TRNAU1AP: variants seen among roughly 807,000 people sequenced by gnomAD.
The protein encoded by TRNAU1AP is tRNA selenocysteine 1 associated protein 1, also known as tRNA selenocysteine 1-associated protein 1.
Under a neutral mutation model 43.3 loss-of-function variants are expected in TRNAU1AP, and 33 were observed. The observed-to-expected ratio is 0.76, with a 90% CI of 0.58 to 1.02. The LOEUF is 1.02. Ranked by LOEUF, TRNAU1AP falls within the 50% of genes least tolerant of loss-of-function variation. TRNAU1AP has a pLI of 0.00. For missense variants in TRNAU1AP, 290 were observed against 362.7 expected (o/e 0.80, Z 1.63); for synonymous variants, 143 against 129.1 (o/e 1.11, Z -0.73).
In TRNAU1AP at chr1:28,577,640, G is replaced by A. The variant is rs1233812292; in HGVS notation, c.*4G>A. ...AGAGATCCCTGCCATGATGTAGCCA[G>A]GCCAAAGGACAAGCCAGGTTGCATG... On this transcript the variant is annotated 3_prime_UTR_variant, in exon 9 of 9. Transcript: ENST00000373830. 3.1e-6 allele frequency: 5 copies of A among 1,612,856 alleles called. No individual in the cohort carries two copies. The highest frequency in any genetic ancestry group is 1.3e-5 in the African/African-American group (1 of 74,894).
chr1:28,575,464 TG>T (rs1322635611), intron 8 of TRNAU1AP, among the ~76,000 whole-genome samples: 6 of 150,366 alleles, frequency 4.0e-5, no homozygotes, highest in Non-Finnish European at 4.4e-5. Flanking sequence ...TGTTTTTTTT[TG>T]TTTTTTTTTT....
At chr1:28,563,145 C>T (rs893607555) in intron 4 of TRNAU1AP, among the ~76,000 whole-genome samples, 9 of 151,950 alleles carry the variant, frequency 5.9e-5, no homozygotes, top group South Asian at 2.1e-4. Context: ...CCACCTGCTT[C>T]GGTCTCCCAA....
intron 2 of TRNAU1AP, chr1:28,553,995 T>C: frequency 6.3e-6 from 2 of 317,650 alleles, no homozygotes; most frequent in African/African-American, 2.1e-5. Flanking sequence ...GTCAGGAGTT[T>C]GAGACCAGCC....
chr1:28,573,543 C>T (rs1407806833), intron 8 of TRNAU1AP, among the ~76,000 whole-genome samples: 8 of 151,760 alleles, frequency 5.3e-5, no homozygotes, highest in Admixed American at 6.6e-5. Context: ...GAAGCCACGG[C>T]GGGAGGATCA....
chr1:28,562,818 T>C (rs770513300), intron 4 of TRNAU1AP, among the ~76,000 whole-genome samples: 32 of 151,830 alleles, frequency 2.1e-4, no homozygotes, highest in Admixed American at 4.6e-4. Context: ...CCTGACCTCG[T>C]GATCTGCCCA....
chr1:28,553,543 C>T (rs1475380592), intron 1 of TRNAU1AP, 97 bp from the exon 2 acceptor site: 5 of 1,163,046 alleles, frequency 4.3e-6, no homozygotes, highest in East Asian at 2.5e-5. Flanking sequence ...CCCCCAGCGG[C>T]GCGTAGCCAG....
Position 28,564,772 on chromosome 1 carries a change from C to T in TRNAU1AP, c.348C>T (p.Phe116=), listed in dbSNP as rs199772818. 1.7e-5 allele frequency: 27 copies of T among 1,614,148 alleles called. No individual in the cohort carries two copies. Among genetic ancestry groups the T allele is most frequent in the Non-Finnish European group, 1.7e-5 (20 of 1,180,020 alleles). ...DVDDGMLYEF[F]VKVYPSCRGG... The stretch of plus-strand genomic sequence containing the variant: ...ATGATGGCATGCTGTATGAATTCTT[C>T]GTCAAAGTCTACCCCTCCTGTCGGG... Residue 116 remains phenylalanine, a synonymous_variant, in exon 5 of 9, where the codon TTC becomes TTT. Coordinates refer to ENST00000373830, the MANE Select transcript of TRNAU1AP (RefSeq NM_017846.5).
intron 2 of TRNAU1AP, among the ~76,000 whole-genome samples, chr1:28,558,457 G>A (rs141777513): frequency 0.026 from 3,926 of 150,596 alleles, 74 homozygotes; most frequent in Non-Finnish European, 0.041. Context: ...GCATTGATGC[G>A]ATCTCAGCTC....
intron 4 of TRNAU1AP, among the ~76,000 whole-genome samples, chr1:28,562,747 A>G (rs1038354157): frequency 2.6e-5 from 4 of 151,406 alleles, no homozygotes; most frequent in African/African-American, 9.7e-5. Flanking sequence ...CGCCTGGCTA[A>G]ATTTTTTGTA....
chr1:28,567,780 A>T lies in TRNAU1AP; in HGVS notation c.530+367A>T, dbSNP rs372518334. On this transcript the variant is annotated intron_variant, in intron 6 of 8. Transcript: ENST00000373830. ...AATAAGATTTGAATAAAGGGGAAAA[A>T]ATTACTTCCATTTTTAGCCTTATTT... is the stretch of plus-strand genomic sequence containing the variant. Among the ~76,000 whole-genome samples, 4 of 152,244 alleles carry T rather than the reference A, an allele frequency of 2.6e-5. No homozygotes were observed. The South Asian group carries it at 8.3e-4, about 32-fold the overall frequency.
intron 2 of TRNAU1AP, among the ~76,000 whole-genome samples, chr1:28,556,730 C>T (rs572003485): frequency 6.6e-6 from 1 of 152,130 alleles, no homozygotes; most frequent in Admixed American, 6.6e-5. Context: ...GTCACCCAGG[C>T]AGGAGTGCAG....
intron 2 of TRNAU1AP, among the ~76,000 whole-genome samples, chr1:28,559,592 G>A (rs1483875929): frequency 1.3e-5 from 2 of 151,886 alleles, no homozygotes; most frequent in African/African-American, 4.8e-5. Flanking sequence ...CCCAGGAGGT[G>A]GAGGTTGCAG....
At chr1:28,559,128 G>A (rs1665347469) in intron 2 of TRNAU1AP, among the ~76,000 whole-genome samples, 1 of 151,612 alleles carries the variant, frequency 6.6e-6, no homozygotes, top group South Asian at 2.1e-4. Context: ...CTGGAGTGCA[G>A]TGGCGCGATC....
chr1:28,561,879 T>C (rs941965930), intron 4 of TRNAU1AP, among the ~76,000 whole-genome samples: 2 of 152,144 alleles, frequency 1.3e-5, no homozygotes, highest in Non-Finnish European at 2.9e-5. Flanking sequence ...GAGACCATCC[T>C]GGCTAACACG....
intron 2 of TRNAU1AP, among the ~76,000 whole-genome samples, chr1:28,556,730 C>A (rs572003485): frequency 6.6e-6 from 1 of 152,012 alleles, no homozygotes; most frequent in South Asian, 2.1e-4. Context: ...GTCACCCAGG[C>A]AGGAGTGCAG....
chr1:28,560,626 T>C lies in TRNAU1AP; in HGVS notation c.126-7T>C. 6.2e-7 allele frequency: 1 copy of C among 1,613,028 alleles called. No individual in the cohort carries two copies. Among genetic ancestry groups the C allele is most frequent in the East Asian group, 2.2e-5 (1 of 44,858 alleles). On this transcript the variant is annotated splice_region_variant and splice_polypyrimidine_tract_variant and intron_variant, in intron 2 of 8. Coordinates refer to ENST00000373830, the MANE Select transcript of TRNAU1AP (RefSeq NM_017846.5). ...CCATTTTCTTTCTCTATTTGCTTTTTTTCCAGGATCCCAGCTGGCTACTGC... is the reference window on the plus strand; with the variant it reads ...CCATTTTCTTTCTCTATTTGCTTTTCTTCCAGGATCCCAGCTGGCTACTGC...
chr1:28,556,900 G>T (rs559839741), intron 2 of TRNAU1AP, among the ~76,000 whole-genome samples: 86 of 151,998 alleles, frequency 5.7e-4, no homozygotes, highest in African/African-American at 2.0e-3. Context: ...AGCCAGGATG[G>T]TCTCAATCTT....
rs532195868 is a variant in TRNAU1AP, at chr1:28,553,827, C to T, written c.125+90C>T. The T allele has an allele frequency of 8.6e-5, 96 of 1,112,928 alleles. 1 individual carries two copies. The African/African-American group carries it at 1.4e-3, about 16-fold the overall frequency. The allele number at this position is 1,112,928 out of a possible 1,614,324, so 68.9% of individuals were successfully genotyped here. ...CATCGTAGTCATGGCTTCTCACTAC[C>T]CCTAGTAATAGTCACTGTAAAATTA... On this transcript the variant is annotated intron_variant, in intron 2 of 8. Transcript: ENST00000373830.
chr1:28,577,680 A>G lies in TRNAU1AP; in HGVS notation c.*44A>G, dbSNP rs1665828343. On this transcript the variant is annotated 3_prime_UTR_variant, in exon 9 of 9. Transcript: ENST00000373830. ...CAGGTTGCATGATGTGAGGGAGATG[A>G]GAGACTCCTTTTTAAAAATTGTGAA... The G allele has an allele frequency of 6.4e-7, 1 of 1,551,596 alleles. No homozygotes were observed.
Sources: gnomAD v4.1 joint callset for allele counts (sites outside exome capture counted in the v4.1 genomes callset) on GRCh38, gnomAD v4.1.1 for gene constraint, MANE v1.5 for transcripts, NCBI Gene and HGNC (gene_info 2026-07-23, HGNC 2026-07-21) for gene names.